Variants in PTPRG observed in about 807,000 individuals in gnomAD.
PTPRG encodes protein tyrosine phosphatase receptor type G.
A neutral mutation model predicts 165.3 loss-of-function variants in PTPRG; 102 were observed. The observed-to-expected ratio is 0.62, with a 90% confidence interval of 0.53 to 0.73. The LOEUF (loss-of-function observed/expected upper bound fraction) is 0.73. Ranked by LOEUF, PTPRG falls within the 30% of genes least tolerant of loss-of-function variation. The pLI is 0.00. For synonymous variants in PTPRG, 675 were observed against 669.5 expected, an observed-to-expected ratio of 1.01 and a Z score of -0.13; for missense variants, 1,866 against 1,861.4, an observed-to-expected ratio of 1.00 and a Z score of -0.05.
intron 1 of PTPRG, among the ~76,000 whole-genome samples, chr3:61,692,732 T>C (rs2106664979): frequency 6.6e-6 from 1 of 152,220 alleles, no homozygotes; most frequent in East Asian, 1.9e-4. Flanking sequence ...CACAAGATAA[T>C]GTCATCAGTT....
At chr3:62,040,279 G>A (rs1181988621) in intron 4 of PTPRG, among the ~76,000 whole-genome samples, 2 of 152,294 alleles carry the variant, frequency 1.3e-5, no homozygotes, top group East Asian at 3.9e-4. Flanking sequence ...TTAACATCTT[G>A]TAAGATGCCA....
intron 4 of PTPRG, among the ~76,000 whole-genome samples, chr3:62,026,668 T>C (rs7619953): frequency 0.55 from 84,055 of 151,698 alleles, 24,053 homozygotes; most frequent in African/African-American, 0.7. Context: ...CGGTGGATCA[T>C]AAGATCAGGA....
At chr3:61,643,707 T>C (rs2106959611) in intron 1 of PTPRG, among the ~76,000 whole-genome samples, 1 of 151,840 alleles carries the variant, frequency 6.6e-6, no homozygotes, top group South Asian at 2.1e-4. Context: ...AGGTTGCAGG[T>C]GAGCTGAAAT....
At chr3:62,191,857 T>C (rs976330527) in intron 9 of PTPRG, among the ~76,000 whole-genome samples, 3 of 152,158 alleles carry the variant, frequency 2.0e-5, no homozygotes, top group Admixed American at 6.5e-5. Context: ...ATCCTGACCT[T>C]AGACTTAACA....
intron 17 of PTPRG, chr3:62,263,236 A>C (rs139452307): frequency 4.9e-6 from 1 of 205,960 alleles, no homozygotes; most frequent in East Asian, 1.4e-4. Context: ...TGTAAGGGCC[A>C]AATCTTTTAA....
At chr3:61,917,897 G>A (rs553949503) in intron 2 of PTPRG, among the ~76,000 whole-genome samples, 28 of 152,164 alleles carry the variant, frequency 1.8e-4, no homozygotes, top group East Asian at 1.4e-3. Flanking sequence ...ACGCCGCTGC[G>A]ATCTAGCCTG....
chr3:61,577,740 C>T (rs180709239), intron 1 of PTPRG, among the ~76,000 whole-genome samples: 1 of 152,272 alleles, frequency 6.6e-6, no homozygotes, highest in African/African-American at 2.4e-5. Context: ...TTCTCACCTT[C>T]CAGAAGAGCA....
In PTPRG at chr3:61,867,794, A is replaced by G. The variant is rs561402576; in HGVS notation, c.190+118812A>G. On this transcript the variant is annotated intron_variant, in intron 2 of 29. Transcript: ENST00000474889. ...GAGGACATAGGACGTCCCTTACGGA[A>G]CTCAAAATTGAGTTTGCAGAGACAA... Among the ~76,000 whole-genome samples the G allele has an allele frequency of 1.1e-4, 16 of 152,238 alleles. No individual in the cohort carries two copies. In the South Asian group the frequency reaches 2.7e-3, roughly 26 times the overall value.
chr3:62,143,674 T>C (rs1559561286), intron 6 of PTPRG, among the ~76,000 whole-genome samples: 1 of 152,152 alleles, frequency 6.6e-6, no homozygotes, highest in Non-Finnish European at 1.5e-5. Context: ...AAGTCTCCAT[T>C]ATGGAATACT....
At chr3:61,857,902 C>T (rs1249828898) in intron 2 of PTPRG, among the ~76,000 whole-genome samples, 1 of 152,078 alleles carries the variant, frequency 6.6e-6, no homozygotes, top group African/African-American at 2.4e-5. Context: ...TGGGGGCTCT[C>T]CTCTGATATT....
chr3:62,210,807 GCTTA>G lies in PTPRG; in HGVS notation c.2155+6861_2155+6864del, dbSNP rs1198055154. 1.3e-5 allele frequency among the ~76,000 whole-genome samples: 2 copies of G among 151,902 alleles called. No individual in the cohort carries two copies. The highest frequency in any genetic ancestry group is 2.4e-5 in the African/African-American group (1 of 41,358). On this transcript the variant is annotated intron_variant, in intron 12 of 29. Coordinates refer to ENST00000474889, the MANE Select transcript of PTPRG (RefSeq NM_002841.4). The surrounding 1 kb of genome is among the most constrained non-coding windows in gnomAD (Gnocchi z 4.1). Reference sequence around the variant, plus strand: ...ATTTTCTTTATAACATTTTTTTCTAGCTTACTTTATTGTAAGAATATAGCATATA... The same window carrying G: ...ATTTTCTTTATAACATTTTTTTCTAGCTTTATTGTAAGAATATAGCATATA...
At chr3:61,898,684 T>C (rs2038424492) in intron 2 of PTPRG, among the ~76,000 whole-genome samples, 1 of 152,222 alleles carries the variant, frequency 6.6e-6, no homozygotes, top group Non-Finnish European at 1.5e-5. Context: ...TCTTATTGAA[T>C]AAAGCATGTG....
chr3:61,630,733 G>GT (rs1176610103), intron 1 of PTPRG, among the ~76,000 whole-genome samples: 4 of 152,276 alleles, frequency 2.6e-5, no homozygotes, highest in Admixed American at 2.6e-4. Context: ...AAGTGCAAGT[G>GT]TGCACTTAAG....
chr3:61,684,831 T>C (rs1703569457), intron 1 of PTPRG, among the ~76,000 whole-genome samples: 1 of 152,196 alleles, frequency 6.6e-6, no homozygotes. Flanking sequence ...CCTGGAGTAG[T>C]TGAGTTTGGG....
chr3:62,069,952 G>A (rs923033082), intron 4 of PTPRG, among the ~76,000 whole-genome samples: 1 of 152,056 alleles, frequency 6.6e-6, no homozygotes, highest in African/African-American at 2.4e-5. Context: ...TGATTTAAAT[G>A]TTAATCACAT....
intron 1 of PTPRG, among the ~76,000 whole-genome samples, chr3:61,611,895 A>C (rs1701178506): frequency 2.0e-5 from 3 of 152,228 alleles, no homozygotes; most frequent in Admixed American, 2.0e-4. Flanking sequence ...CATGAGGACT[A>C]TTCAAAAGGA....
chr3:61,745,987 C>T (rs1332260286), intron 1 of PTPRG, among the ~76,000 whole-genome samples: 1 of 152,028 alleles, frequency 6.6e-6, no homozygotes, highest in Non-Finnish European at 1.5e-5. Context: ...TTCAAATCAG[C>T]TTTGTCGAAG....
At chr3:62,057,526 C>T (rs1046225897) in intron 4 of PTPRG, among the ~76,000 whole-genome samples, 6 of 152,124 alleles carry the variant, frequency 3.9e-5, no homozygotes, top group African/African-American at 9.7e-5. Flanking sequence ...TCTCTTGGCC[C>T]CAGGCCAGTA....
Position 62,281,547 on chromosome 3 carries a change from T to TTTTTTTTTTTTTTTTTTTTTTTTTTC in PTPRG, c.3766-12_3766-11insTTTTTTTTTTTTTTTTTTTTTCTTTT. The TTTTTTTTTTTTTTTTTTTTTTTTTTC allele has an allele frequency of 7.0e-7, 1 of 1,426,288 alleles. No individual in the cohort carries two copies. The highest frequency in any genetic ancestry group is 9.4e-7 in the Non-Finnish European group (1 of 1,061,664). 88.4% of individuals were successfully genotyped at this position (1,426,288 alleles called of 1,614,324 possible). On this transcript the variant is annotated splice_polypyrimidine_tract_variant and intron_variant, in intron 26 of 29. Transcript: ENST00000474889. ...GACAGAACTGCAGAGGCTTTTTTTT[T>TTTTTTTTTTTTTTTTTTTTTTTTTTC]TTTTGGATTCCAAAGGCAGAAGATG...
Sources: allele counts gnomAD v4.1 joint callset (sites outside exome capture counted in the v4.1 genomes callset), GRCh38; gene constraint gnomAD v4.1.1; non-coding constraint Gnocchi (gnomAD v3.1); transcripts MANE v1.5; gene names NCBI Gene and HGNC (gene_info 2026-07-23, HGNC 2026-07-21).